Variants in ST7 observed in about 807,000 individuals in gnomAD.
ST7 encodes suppression of tumorigenicity 7.
Under a neutral mutation model 78.7 loss-of-function variants are expected in ST7, and 28 were observed. The observed-to-expected ratio is 0.36, with a 90% CI of 0.26 to 0.49. The LOEUF (loss-of-function observed/expected upper bound fraction) is 0.49, where lower values mean the gene tolerates loss of function less well. ST7 is among the 20% of genes least tolerant of loss of function. The pLI is 0.99. For synonymous variants in ST7, 247 were observed against 249.6 expected (o/e 0.99, Z 0.10); for missense variants, 418 against 696.0 (o/e 0.60, Z 4.49).
intron 8 of ST7, chr7:117,136,527 A>C (rs1321029176): frequency 3.6e-6 from 2 of 549,516 alleles, no homozygotes; most frequent in Non-Finnish European, 6.4e-6. Flanking sequence ...GAGTTCTTAC[A>C]TATTTCTGTT....
rs974333131 is a variant in ST7, at chr7:117,190,380, T to G, written c.1152-454T>G. 2 of 169,636 alleles carry G rather than the reference T, an allele frequency of 1.2e-5. No individual in the cohort carries two copies. Among genetic ancestry groups the G allele is most frequent in the African/African-American group, 4.8e-5 (2 of 41,620 alleles). 10.5% of individuals were successfully genotyped at this position (169,636 alleles called of 1,614,324 possible). A position where few individuals can be genotyped will look rare whatever the true frequency, so the allele number is the denominator to read the frequency against. On this transcript the variant is annotated intron_variant, in intron 11 of 15. Coordinates refer to ENST00000323984, the MANE Select transcript of ST7 (RefSeq NM_001369598.1). The surrounding 1 kb of genome is among the most constrained non-coding windows in gnomAD (Gnocchi z 5.2). The stretch of plus-strand genomic sequence containing the variant: ...CGGAATGGCCCCAAGCAGGCTCGCC[T>G]GCTGCTGAAGCTGCAACGATTTAAC...
chr7:117,142,697 C>T (rs1007775952), intron 9 of ST7, among the ~76,000 whole-genome samples: 3 of 152,040 alleles, frequency 2.0e-5, no homozygotes, highest in Admixed American at 6.5e-5. Context: ...CTGCAACCTC[C>T]ACCTCCTGGG....
chr7:117,142,288 C>T (rs748955166), intron 9 of ST7, among the ~76,000 whole-genome samples: 1 of 151,988 alleles, frequency 6.6e-6, no homozygotes, highest in Non-Finnish European at 1.5e-5. Context: ...GGATAGATTG[C>T]CTGTATGAAA....
chr7:117,209,404 C>T (rs1792099861), intron 12 of ST7, among the ~76,000 whole-genome samples: 1 of 152,218 alleles, frequency 6.6e-6, no homozygotes, highest in South Asian at 2.1e-4. Context: ...CTTTCTAATG[C>T]ACTTGGTTTA....
At chr7:117,076,559 G>A (rs577192364) in intron 1 of ST7, 13 of 152,496 alleles carry the variant, frequency 8.5e-5, no homozygotes, top group Admixed American at 8.5e-4. Flanking sequence ...TGGAGTGCAT[G>A]AGCGCTGGAG....
intron 9 of ST7, among the ~76,000 whole-genome samples, chr7:117,155,804 A>G (rs2188692): frequency 0.12 from 18,407 of 152,242 alleles, 2,034 homozygotes; most frequent in African/African-American, 0.29. Flanking sequence ...TTTAAACTCT[A>G]AAAGTGGCCT....
chr7:117,202,532 G>A (rs182625482), intron 12 of ST7, among the ~76,000 whole-genome samples: 11 of 152,148 alleles, frequency 7.2e-5, no homozygotes, highest in African/African-American at 2.4e-4. Flanking sequence ...TGTCACCTTC[G>A]GTTCTTTCCC....
At chr7:117,196,190 C>T (rs1810288751) in intron 12 of ST7, among the ~76,000 whole-genome samples, 1 of 152,152 alleles carries the variant, frequency 6.6e-6, no homozygotes, top group South Asian at 2.1e-4. Context: ...AGGTTATTTC[C>T]ATCTCTTGGC....
intron 9 of ST7, among the ~76,000 whole-genome samples, chr7:117,142,250 A>G (rs1033209118): frequency 6.6e-6 from 1 of 152,096 alleles, no homozygotes; most frequent in Non-Finnish European, 1.5e-5. Flanking sequence ...ACACTGTCAG[A>G]ACTGTCATGG....
Position 117,221,915 on chromosome 7 carries a change from C to T in ST7, c.1499-8C>T. 1 of 1,605,980 alleles carries T rather than the reference C, an allele frequency of 6.2e-7. No homozygotes were observed. The highest frequency in any genetic ancestry group is 1.7e-4 in the Middle Eastern group (1 of 6,028). On this transcript the variant is annotated splice_polypyrimidine_tract_variant and splice_region_variant and intron_variant, in intron 14 of 15. Transcript: ENST00000323984. Reference sequence around the variant, plus strand: ...GCCCTGATATTTCCCTTTTGGTCTTCTCCACAGCTTTCCATGAAGTCTCAG... The same window carrying T: ...GCCCTGATATTTCCCTTTTGGTCTTTTCCACAGCTTTCCATGAAGTCTCAG...
chr7:117,054,392 A>G (rs1797953338), intron 1 of ST7, among the ~76,000 whole-genome samples: 1 of 152,192 alleles, frequency 6.6e-6, no homozygotes, highest in African/African-American at 2.4e-5. Flanking sequence ...TCCTTCAGAG[A>G]TCAGGAACTG....
At chr7:117,060,126 CA>C (rs1798274941) in intron 1 of ST7, among the ~76,000 whole-genome samples, 1 of 152,138 alleles carries the variant, frequency 6.6e-6, no homozygotes, top group African/African-American at 2.4e-5. Context: ...GTTTGATCAG[CA>C]TAACCAGTTG....
chr7:117,085,658 A>T (rs1337935236), intron 1 of ST7, among the ~76,000 whole-genome samples: 1 of 152,236 alleles, frequency 6.6e-6, no homozygotes, highest in African/African-American at 2.4e-5. Context: ...TAGCTAGAGG[A>T]TAGAAAGGGA....
chr7:117,019,492 G>A (rs889309024), intron 1 of ST7, among the ~76,000 whole-genome samples: 3 of 152,224 alleles, frequency 2.0e-5, no homozygotes, highest in African/African-American at 7.2e-5. Flanking sequence ...ATACACAGGT[G>A]TGTGCACACA....
Position 117,219,191 on chromosome 7 carries a change from T to C in ST7, c.1498+15T>C. Reference sequence around the variant, plus strand: ...GCTGCTTCCATGTAAGTCTCACCTCTCTTCAGCCAGTGAGGGTGTGTGGTG... The same window carrying C: ...GCTGCTTCCATGTAAGTCTCACCTCCCTTCAGCCAGTGAGGGTGTGTGGTG... On this transcript the variant is annotated intron_variant, in intron 14 of 15. Coordinates refer to ENST00000323984, the MANE Select transcript of ST7 (RefSeq NM_001369598.1). This position sits in a 1 kb window ranked among gnomAD's most constrained non-coding sequence, Gnocchi z 5.1. 5 of 1,599,468 alleles carry C rather than the reference T, an allele frequency of 3.1e-6. No individual in the cohort carries two copies. The highest frequency in any genetic ancestry group is 4.3e-6 in the Non-Finnish European group (5 of 1,168,780).
chr7:117,096,208 AT>A (rs1801031389), intron 1 of ST7, among the ~76,000 whole-genome samples: 2 of 151,812 alleles, frequency 1.3e-5, no homozygotes, highest in African/African-American at 4.8e-5. Flanking sequence ...ATAATTGCTA[AT>A]GACTTTGATG....
At chr7:117,071,233 C>CA (rs1048230403) in intron 1 of ST7, among the ~76,000 whole-genome samples, 1 of 151,252 alleles carries the variant, frequency 6.6e-6, no homozygotes, top group Non-Finnish European at 1.5e-5. Context: ...AAAACAAAAA[C>CA]AAAAACAAAA....
chr7:117,061,281 A>G (rs1798341295), intron 1 of ST7, among the ~76,000 whole-genome samples: 1 of 152,166 alleles, frequency 6.6e-6, no homozygotes, highest in Admixed American at 6.6e-5. Context: ...TCTTAACCAC[A>G]AAATTGAGCT....
intron 1 of ST7, among the ~76,000 whole-genome samples, chr7:117,000,462 T>C (rs1794887209): frequency 6.6e-6 from 1 of 152,242 alleles, no homozygotes; most frequent in Admixed American, 6.5e-5. Context: ...AATACCTTTA[T>C]GAGGTATTTA....
Sources: gnomAD v4.1 joint callset for allele counts (sites outside exome capture counted in the v4.1 genomes callset) on GRCh38, gnomAD v4.1.1 for gene constraint, Gnocchi (gnomAD v3.1) non-coding constraint, MANE v1.5 for transcripts, NCBI Gene and HGNC (gene_info 2026-07-23, HGNC 2026-07-21) for gene names.